The following CAMTA1 variants were observed in gnomAD, a reference collection of about 807,000 sequenced individuals.
The protein encoded by CAMTA1 is calmodulin-binding transcription activator 1.
In CAMTA1, 27 loss-of-function variants were observed where a neutral mutation model predicts 170.9. The observed-to-expected ratio is 0.16, with a 90% CI of 0.12 to 0.22. The LOEUF is 0.22. Among genes scored for constraint, CAMTA1 ranks in the 10% least tolerant of loss-of-function variants. CAMTA1 has a pLI of 1.00. For synonymous variants in CAMTA1, 833 were observed against 891.5 expected, an observed-to-expected ratio of 0.93 and a Z score of 1.17; for missense variants, 1,619 against 2,217.2, an observed-to-expected ratio of 0.73 and a Z score of 5.42.
At chr1:6,967,194 CTG>C (rs1157463778) in intron 3 of CAMTA1, among the ~76,000 whole-genome samples, 3 of 151,850 alleles carry the variant, frequency 2.0e-5, no homozygotes, top group Non-Finnish European at 4.4e-5. Context: ...TGAGCCGAGA[CTG>C]TGCCACTGCA....
chr1:7,100,897 C>G (rs529085703), intron 4 of CAMTA1, among the ~76,000 whole-genome samples: 3 of 152,200 alleles, frequency 2.0e-5, no homozygotes, highest in Non-Finnish European at 4.4e-5. Flanking sequence ...TTGGATTTTA[C>G]TGGGACAAAA....
rs929680220 is a variant in CAMTA1 at position 6,965,781 on chromosome 1, G to C, written c.235-125523G>C. ...ACAAAAGCTGCATTTGCATATCGCC[G>C]TGATGAGGTCTGGATGGAGCCTGAA... On this transcript the variant is annotated intron_variant, in intron 3 of 22. Coordinates refer to ENST00000303635, the MANE Select transcript of CAMTA1 (RefSeq NM_015215.4). This position sits in a 1 kb window ranked among gnomAD's most constrained non-coding sequence, Gnocchi z 4.1. Among the ~76,000 whole-genome samples, 1 of 152,196 alleles carries C rather than the reference G, an allele frequency of 6.6e-6. No homozygotes were observed. The highest frequency in any genetic ancestry group is 1.5e-5 in the Non-Finnish European group (1 of 68,042).
In CAMTA1 at chr1:7,635,359, G is replaced by C. The variant is rs1168250119; in HGVS notation, c.511-5041G>C. 1.3e-5 allele frequency among the ~76,000 whole-genome samples: 2 copies of C among 152,162 alleles called. No individual in the cohort carries two copies. The highest frequency in any genetic ancestry group is 3.8e-4 in the East Asian group (2 of 5,196). On this transcript the variant is annotated intron_variant, in intron 6 of 22. Transcript: ENST00000303635. This position sits in a 1 kb window ranked among gnomAD's most constrained non-coding sequence, Gnocchi z 4.4. ...GTGGTGGCTCACGCCTGTAATCCCA[G>C]CACTTTGGAAGGCCGAGGCAGGCAG...
chr1:7,369,641 G>A (rs35665187), intron 5 of CAMTA1, among the ~76,000 whole-genome samples: 25 of 151,948 alleles, frequency 1.6e-4, no homozygotes, highest in Non-Finnish European at 2.6e-4. Context: ...TGTCGGTGTC[G>A]CCAACCAGGA....
chr1:7,316,581 T>C (rs1386778478), intron 5 of CAMTA1, among the ~76,000 whole-genome samples: 1 of 152,270 alleles, frequency 6.6e-6, no homozygotes, highest in African/African-American at 2.4e-5. Context: ...GGCTGTACTA[T>C]TAACATCTAG....
In CAMTA1 at chr1:7,580,607, G is replaced by A. The variant is rs368739465; in HGVS notation, c.511-59793G>A. On this transcript the variant is annotated intron_variant, in intron 6 of 22. Transcript: ENST00000303635. The surrounding 1 kb of genome is among the most constrained non-coding windows in gnomAD (Gnocchi z 4.3). ...AGCCCTCCCACGTTTGGGGACAGCC[G>A]TGTCAGAGACTGATAATACTGCTCA... Among the ~76,000 whole-genome samples, 31 of 152,182 alleles carry A rather than the reference G, an allele frequency of 2.0e-4. No homozygotes were observed. In the South Asian group the frequency reaches 3.9e-3, roughly 19 times the overall value.
chr1:6,810,035 G>A (rs557548398), intron 1 of CAMTA1, among the ~76,000 whole-genome samples: 1 of 152,300 alleles, frequency 6.6e-6, no homozygotes, highest in Admixed American at 6.5e-5. Flanking sequence ...GGCCTGATGG[G>A]CTGTGAGTGT....
At chr1:6,870,905 A>G (rs988293049) in intron 3 of CAMTA1, among the ~76,000 whole-genome samples, 1 of 152,248 alleles carries the variant, frequency 6.6e-6, no homozygotes, top group Non-Finnish European at 1.5e-5. Context: ...TACTAGTGAA[A>G]TGAATACTGA....
chr1:6,792,533 A>C (rs144248480), intron 1 of CAMTA1, among the ~76,000 whole-genome samples: 38 of 152,070 alleles, frequency 2.5e-4, no homozygotes, highest in African/African-American at 9.2e-4. Flanking sequence ...ACCCCATTGC[A>C]AAGAGAGGCC....
chr1:7,718,625 C>T (rs1201019039), intron 11 of CAMTA1, among the ~76,000 whole-genome samples: 3 of 148,646 alleles, frequency 2.0e-5, no homozygotes, highest in Non-Finnish European at 4.4e-5. Flanking sequence ...GGTGCCATCT[C>T]AGCTCGCTGC....
In CAMTA1 at chr1:7,455,298, T is replaced by C. The variant is rs1383782856; in HGVS notation, c.439-12532T>C. On this transcript the variant is annotated intron_variant, in intron 5 of 22. Transcript: ENST00000303635. The surrounding 1 kb of genome is among the most constrained non-coding windows in gnomAD (Gnocchi z 5.0). ...CCTGATGCCGCCCTGCTGTCTGCTC[T>C]CTTTTGTAGAGATGTTTTCGTGAAC... is the stretch of plus-strand genomic sequence containing the variant. 6.6e-6 allele frequency among the ~76,000 whole-genome samples: 1 copy of C among 152,218 alleles called. No homozygotes were observed. The highest frequency in any genetic ancestry group is 2.4e-5 in the African/African-American group (1 of 41,450).
At chr1:6,800,780 C>T (rs904921147) in intron 1 of CAMTA1, among the ~76,000 whole-genome samples, 1 of 152,194 alleles carries the variant, frequency 6.6e-6, no homozygotes, top group South Asian at 2.1e-4. Context: ...TTCACTTGAA[C>T]CTGCTCCCTG....
chr1:7,068,669 T>G (rs947466795), intron 3 of CAMTA1, among the ~76,000 whole-genome samples: 2 of 152,098 alleles, frequency 1.3e-5, no homozygotes, highest in African/African-American at 4.8e-5. Context: ...GAAAAATTCA[T>G]GGCTACTGAA....
intron 6 of CAMTA1, among the ~76,000 whole-genome samples, chr1:7,523,882 C>T (rs373768047): frequency 2.0e-4 from 27 of 137,010 alleles, no homozygotes; most frequent in African/African-American, 6.3e-4. Flanking sequence ...GACTCTATCT[C>T]GAAAAAAAAA....
At chr1:7,528,232 C>T (rs761833401) in intron 6 of CAMTA1, among the ~76,000 whole-genome samples, 3 of 152,102 alleles carry the variant, frequency 2.0e-5, no homozygotes, top group Non-Finnish European at 4.4e-5. Flanking sequence ...CAACAAAAGT[C>T]GACTCAGGGC....
At chr1:7,751,435 G>A in intron 20 of CAMTA1, 43 bp downstream of exon 20, 1 of 1,498,502 alleles carries the variant, frequency 6.7e-7, no homozygotes, top group Non-Finnish European at 8.9e-7. Context: ...CCCTAGGGAA[G>A]AGAACTCTGA....
chr1:6,893,357 C>T (rs1398151805), intron 3 of CAMTA1, among the ~76,000 whole-genome samples: 1 of 152,202 alleles, frequency 6.6e-6, no homozygotes, highest in African/African-American at 2.4e-5. Flanking sequence ...TTCCTGCTGG[C>T]TTTCCTAGGA....
chr1:6,989,633 G>A (rs1695986196), intron 3 of CAMTA1, among the ~76,000 whole-genome samples: 1 of 152,116 alleles, frequency 6.6e-6, no homozygotes, highest in African/African-American at 2.4e-5. Flanking sequence ...TTGGGTGGAT[G>A]CCCCGGGCTT....
At chr1:7,202,362 A>G (rs1205951638) in intron 4 of CAMTA1, among the ~76,000 whole-genome samples, 1 of 152,156 alleles carries the variant, frequency 6.6e-6, no homozygotes. Flanking sequence ...TGTTTTGGCT[A>G]TTCTGTGTCT....
Sources: allele counts gnomAD v4.1 joint callset (sites outside exome capture counted in the v4.1 genomes callset), GRCh38; gene constraint gnomAD v4.1.1; non-coding constraint Gnocchi (gnomAD v3.1); transcripts MANE v1.5; gene names NCBI Gene and HGNC (gene_info 2026-07-23, HGNC 2026-07-21).